Variants in JPH3 observed in about 807,000 individuals in gnomAD.
The protein encoded by JPH3 is junctophilin 3, also known as junctophilin-3.
JPH3 carries 11 observed loss-of-function variants against 59.6 expected under a neutral mutation model. That is an observed-to-expected ratio of 0.18 (90% CI 0.12 to 0.31). The LOEUF is 0.31. Ranked by LOEUF, JPH3 falls within the 10% of genes least tolerant of loss-of-function variation. The pLI is 1.00. For missense variants in JPH3, 1,202 were observed against 1,105.7 expected, an observed-to-expected ratio of 1.09 and a Z score of -1.24; for synonymous variants, 673 against 483.6, an observed-to-expected ratio of 1.39 and a Z score of -5.14.
At chr16:87,638,893 C>G (rs1597252899) in intron 1 of JPH3, among the ~76,000 whole-genome samples, 1 of 152,124 alleles carries the variant, frequency 6.6e-6, no homozygotes, top group African/African-American at 2.4e-5. Flanking sequence ...CTACGAATCT[C>G]TCAGGATGTG....
chr16:87,694,823 T>C, intron 4 of JPH3: 1 of 189,168 alleles, frequency 5.3e-6, no homozygotes, highest in Non-Finnish European at 1.1e-5. Flanking sequence ...TGTCCCCTCC[T>C]CCCCCAGCTC....
At chr16:87,678,896 A>T (rs933133664) in intron 2 of JPH3, among the ~76,000 whole-genome samples, 4 of 152,210 alleles carry the variant, frequency 2.6e-5, no homozygotes, top group Admixed American at 6.5e-5. Context: ...GAGAGGATGG[A>T]TGGGAGGATT....
intron 2 of JPH3, among the ~76,000 whole-genome samples, chr16:87,651,764 G>A (rs189544381): frequency 1.5e-3 from 222 of 152,356 alleles, no homozygotes; most frequent in Middle Eastern, 3.4e-3. Context: ...TACTCCTGGC[G>A]AAGATGCTGC....
chr16:87,616,188 TTTTGTG>T (rs2030950378), intron 1 of JPH3, among the ~76,000 whole-genome samples: 3 of 107,680 alleles, frequency 2.8e-5, no homozygotes, highest in East Asian at 8.4e-4. Context: ...CGCAATCTGG[TTTTGTG>T]TGTGTGTGTG....
chr16:87,689,640 A>G lies in JPH3; in HGVS notation c.1286-6A>G. On this transcript the variant is annotated splice_polypyrimidine_tract_variant and splice_region_variant and intron_variant, in intron 3 of 4. Coordinates refer to ENST00000284262, the MANE Select transcript of JPH3 (RefSeq NM_020655.4). ...CCGTCTGGCGTCGTCTTGTGTCCCC[A>G]TACAGGGCTGGAGTACCAGAGGCCG... The G allele has an allele frequency of 1.2e-6, 2 of 1,611,052 alleles. No individual in the cohort carries two copies. Among genetic ancestry groups the G allele is most frequent in the Non-Finnish European group, 8.5e-7 (1 of 1,179,150 alleles).
chr16:87,673,968 A>T (rs542330138), intron 2 of JPH3, among the ~76,000 whole-genome samples: 3 of 151,380 alleles, frequency 2.0e-5, no homozygotes, highest in Admixed American at 6.6e-5. Context: ...ATTATTTAAT[A>T]AATAAATAGA....
chr16:87,606,338 C>T (rs576447698), intron 1 of JPH3, among the ~76,000 whole-genome samples: 1 of 152,380 alleles, frequency 6.6e-6, no homozygotes, highest in African/African-American at 2.4e-5. Flanking sequence ...GATGCACCAG[C>T]GGCCAGCGTA....
In JPH3 at chr16:87,656,783, C is replaced by A. The variant is rs140637055; in HGVS notation, c.1160+11748C>A. On this transcript the variant is annotated intron_variant, in intron 2 of 4. Transcript: ENST00000284262. ...CTGCCTTGTGGCTCAGCTTGGACTG[C>A]CATAACAAAATACGATAGAGTGGGT... 3.4e-4 allele frequency among the ~76,000 whole-genome samples: 52 copies of A among 152,258 alleles called. 1 individual carries two copies. Among genetic ancestry groups the A allele is most frequent in the African/African-American group, 1.3e-3 (52 of 41,552 alleles).
At chr16:87,619,973 C>T (rs1362614507) in intron 1 of JPH3, among the ~76,000 whole-genome samples, 2 of 152,152 alleles carry the variant, frequency 1.3e-5, no homozygotes. Flanking sequence ...GGAACAGGGC[C>T]ACCCTGGGAC....
chr16:87,604,125 G>C (rs1291317163), intron 1 of JPH3: 2 of 1,341,726 alleles, frequency 1.5e-6, no homozygotes, highest in Non-Finnish European at 9.7e-7. Context: ...GAAGCAGGCT[G>C]CTGGAGGGAG....
chr16:87,624,122 G>A (rs2031284901), intron 1 of JPH3, among the ~76,000 whole-genome samples: 1 of 152,338 alleles, frequency 6.6e-6, no homozygotes, highest in East Asian at 1.9e-4. Flanking sequence ...TGCAGAAAAA[G>A]GGCTCCAGTA....
intron 1 of JPH3, among the ~76,000 whole-genome samples, chr16:87,637,339 C>T (rs945878820): frequency 4.6e-5 from 7 of 152,152 alleles, no homozygotes; most frequent in African/African-American, 1.7e-4. Flanking sequence ...CATTCCTGCT[C>T]CTCCCCGGCC....
chr16:87,691,751 G>A (rs2033585905), intron 4 of JPH3, among the ~76,000 whole-genome samples: 1 of 152,022 alleles, frequency 6.6e-6, no homozygotes, highest in African/African-American at 2.4e-5. Flanking sequence ...GTTCCCCAAA[G>A]CCCACAGAGA....
intron 1 of JPH3, among the ~76,000 whole-genome samples, chr16:87,631,597 T>C (rs1248335155): frequency 6.6e-6 from 1 of 152,224 alleles, no homozygotes; most frequent in Non-Finnish European, 1.5e-5. Flanking sequence ...TTGTGTGGTA[T>C]CTGTGAGCCC....
chr16:87,605,011 A>C (rs1347957101), intron 1 of JPH3: 1 of 443,840 alleles, frequency 2.3e-6, no homozygotes, highest in Non-Finnish European at 4.6e-6. Context: ...GTGCAGGCAC[A>C]GGGAGGCCCG....
intron 2 of JPH3, among the ~76,000 whole-genome samples, chr16:87,667,148 T>G (rs1243955949): frequency 6.6e-6 from 1 of 152,228 alleles, no homozygotes; most frequent in African/African-American, 2.4e-5. Flanking sequence ...TTGTTGCTGC[T>G]GTCTCCCTCG....
chr16:87,652,129 C>T (rs928843017), intron 2 of JPH3, among the ~76,000 whole-genome samples: 6 of 152,310 alleles, frequency 3.9e-5, no homozygotes, highest in Admixed American at 1.3e-4. Context: ...CGCCCACCAC[C>T]GTGCCCAGCT....
intron 1 of JPH3, among the ~76,000 whole-genome samples, chr16:87,615,106 T>C (rs547544304): frequency 5.1e-4 from 77 of 152,216 alleles, no homozygotes; most frequent in African/African-American, 1.8e-3. Context: ...TAAAGGAAGG[T>C]CCCTGCACAC....
intron 1 of JPH3, among the ~76,000 whole-genome samples, chr16:87,630,767 T>G (rs2031541254): frequency 6.6e-6 from 1 of 152,188 alleles, no homozygotes. Flanking sequence ...TGCCGCTTCC[T>G]GAGCTCATGG....
Sources: gnomAD v4.1 joint callset for allele counts (sites outside exome capture counted in the v4.1 genomes callset) on GRCh38, gnomAD v4.1.1 for gene constraint, MANE v1.5 for transcripts, NCBI Gene and HGNC (gene_info 2026-07-23, HGNC 2026-07-21) for gene names.